PDZRN4: variants seen among roughly 807,000 people sequenced by gnomAD.
The protein encoded by PDZRN4 is PDZ domain containing ring finger 4, also known as PDZ domain-containing RING finger protein 4.
A neutral mutation model predicts 99.0 loss-of-function variants in PDZRN4; 70 were observed. That is an observed-to-expected ratio of 0.71 (90% CI 0.58 to 0.86). The LOEUF (loss-of-function observed/expected upper bound fraction) is 0.86, where lower values mean the gene tolerates loss of function less well. Among genes scored for constraint, PDZRN4 ranks in the 40% least tolerant of loss-of-function variants. The pLI is 0.00. For missense variants in PDZRN4, 1,474 were observed against 1,331.2 expected (o/e 1.11, Z -1.67); for synonymous variants, 551 against 501.6 (o/e 1.10, Z -1.32).
intron 3 of PDZRN4, among the ~76,000 whole-genome samples, chr12:41,268,143 A>C (rs1433005943): frequency 6.6e-6 from 1 of 152,142 alleles, no homozygotes; most frequent in Non-Finnish European, 1.5e-5. Context: ...CTTGGCTCCT[A>C]TGTTGTACAA....
At chr12:41,532,320 A>G (rs1186164764) in intron 5 of PDZRN4, among the ~76,000 whole-genome samples, 1 of 152,168 alleles carries the variant, frequency 6.6e-6, no homozygotes, top group Non-Finnish European at 1.5e-5. Flanking sequence ...TTAAATTGTT[A>G]TATCTTTATA....
intron 7 of PDZRN4, among the ~76,000 whole-genome samples, chr12:41,556,966 A>G (rs1346579709): frequency 2.0e-5 from 3 of 152,192 alleles, no homozygotes; most frequent in East Asian, 3.9e-4. Context: ...CCTGGCCAAC[A>G]TGGTGAAACC....
At chr12:41,321,672 G>C (rs1290163535) in intron 3 of PDZRN4, among the ~76,000 whole-genome samples, 1 of 152,048 alleles carries the variant, frequency 6.6e-6, no homozygotes, top group Non-Finnish European at 1.5e-5. Context: ...TTTTTGGATG[G>C]AGTCTGATCA....
intron 3 of PDZRN4, among the ~76,000 whole-genome samples, chr12:41,351,105 A>G (rs1408184367): frequency 1.3e-5 from 2 of 152,162 alleles, no homozygotes; most frequent in African/African-American, 4.8e-5. Flanking sequence ...TTTAACCAAA[A>G]GTCAATGAAA....
intron 3 of PDZRN4, among the ~76,000 whole-genome samples, chr12:41,258,906 T>C (rs1175102697): frequency 6.6e-6 from 1 of 152,064 alleles, no homozygotes; most frequent in Non-Finnish European, 1.5e-5. Flanking sequence ...AGATGGTAAA[T>C]ACAGACTTTA....
At position 41,275,627 on chromosome 12, in the gene PDZRN4, C is replaced by T. The variant is rs372380145; in HGVS notation, c.843+81439C>T. Among the ~76,000 whole-genome samples the T allele has an allele frequency of 2.9e-3, 434 of 151,890 alleles. 3 individuals are homozygous for T. The highest frequency in any genetic ancestry group is 0.019 in the South Asian group (90 of 4,800). On this transcript the variant is annotated intron_variant, in intron 3 of 9. Transcript: ENST00000402685. ...GGTTGGTGTAATTTTTATTTATCTC[C>T]CTTAAAATTTTATAAGAGTATACTG...
At chr12:41,501,517 A>T (rs1392663050) in intron 3 of PDZRN4, among the ~76,000 whole-genome samples, 1 of 152,122 alleles carries the variant, frequency 6.6e-6, no homozygotes, top group Admixed American at 6.6e-5. Context: ...ATCAAATATT[A>T]CCATGATATG....
intron 9 of PDZRN4, among the ~76,000 whole-genome samples, chr12:41,569,740 T>C (rs781330996): frequency 5.9e-5 from 9 of 152,154 alleles, no homozygotes; most frequent in Non-Finnish European, 1.3e-4. Flanking sequence ...AATAAATAAT[T>C]AGATTGCACA....
intron 3 of PDZRN4, among the ~76,000 whole-genome samples, chr12:41,376,874 G>C (rs1171222036): frequency 6.6e-6 from 1 of 152,054 alleles, no homozygotes; most frequent in Non-Finnish European, 1.5e-5. Context: ...TTATATTTAA[G>C]TTTTAATTCT....
At chr12:41,392,196 A>G (rs1952215086) in intron 3 of PDZRN4, among the ~76,000 whole-genome samples, 2 of 152,146 alleles carry the variant, frequency 1.3e-5, no homozygotes, top group East Asian at 1.9e-4. Flanking sequence ...CTGCTATTCA[A>G]GATTCCCCAA....
intron 3 of PDZRN4, among the ~76,000 whole-genome samples, chr12:41,374,708 A>G (rs571141201): frequency 9.9e-4 from 151 of 152,296 alleles, no homozygotes; most frequent in African/African-American, 3.0e-3. Context: ...GTTGGCTACC[A>G]TCTCTAGAGC....
intron 3 of PDZRN4, among the ~76,000 whole-genome samples, chr12:41,411,026 G>A (rs1014146539): frequency 1.3e-5 from 2 of 150,534 alleles, no homozygotes; most frequent in Non-Finnish European, 2.9e-5. Context: ...CCACAGGCAC[G>A]TGCCACCACA....
At chr12:41,322,460 G>A (rs1192540266) in intron 3 of PDZRN4, among the ~76,000 whole-genome samples, 15 of 143,354 alleles carry the variant, frequency 1.0e-4, no homozygotes, top group African/African-American at 3.8e-4. Context: ...TGTATAAAAC[G>A]AACTTTGGAA....
chr12:41,386,727 C>T (rs1305775875), intron 3 of PDZRN4, among the ~76,000 whole-genome samples: 1 of 152,110 alleles, frequency 6.6e-6, no homozygotes, highest in Non-Finnish European at 1.5e-5. Flanking sequence ...TGAAACTATA[C>T]CACAGGGATA....
intron 3 of PDZRN4, among the ~76,000 whole-genome samples, chr12:41,318,074 G>T (rs920993829): frequency 6.6e-6 from 1 of 152,022 alleles, no homozygotes. Flanking sequence ...TCATGAAATT[G>T]CTTATTTATA....
Position 41,509,835 on chromosome 12 carries a change from G to T in PDZRN4, c.1125G>T (p.Glu375Asp), listed in dbSNP as rs1267233620. ...SDSCHSLHPM[E>D]HEFYEDNEYI... ...GCTGCCATTCTCTACATCCAATGGA[G>T]CATGAATTTTATGAGGACAATGAGT... The change falls in exon 5 of 10, where the codon GAG (glutamate) becomes GAT (aspartate). Residue 375 changes from glutamate to aspartate, a missense_variant. Glu to Asp is a conservative substitution (Grantham distance 45). Coordinates refer to ENST00000402685, the MANE Select transcript of PDZRN4 (RefSeq NM_001164595.2). The T allele has an allele frequency of 6.3e-7, 1 of 1,592,664 alleles. No individual in the cohort carries two copies. Among genetic ancestry groups the T allele is most frequent in the Non-Finnish European group, 8.6e-7 (1 of 1,163,076 alleles).
intron 3 of PDZRN4, among the ~76,000 whole-genome samples, chr12:41,332,853 G>T (rs1254415171): frequency 6.6e-6 from 1 of 151,504 alleles, no homozygotes; most frequent in Non-Finnish European, 1.5e-5. Flanking sequence ...GAACTGCAAT[G>T]ACAATAACAA....
chr12:41,452,648 A>C (rs1952785241), intron 3 of PDZRN4, among the ~76,000 whole-genome samples: 1 of 152,132 alleles, frequency 6.6e-6, no homozygotes, highest in Admixed American at 6.5e-5. Flanking sequence ...CAAACTCTTT[A>C]CTTAAAGTGT....
intron 5 of PDZRN4, among the ~76,000 whole-genome samples, chr12:41,538,433 CTATTATAAATTATGCACT>C (rs1320988426): frequency 1.3e-5 from 2 of 152,060 alleles, no homozygotes; most frequent in East Asian, 3.9e-4. Flanking sequence ...TGATACTTTG[CTATTATAAATTATGCACT>C]AGTGAACAGA....
Sources: allele counts gnomAD v4.1 joint callset (sites outside exome capture counted in the v4.1 genomes callset), GRCh38; gene constraint gnomAD v4.1.1; transcripts MANE v1.5; gene names NCBI Gene and HGNC (gene_info 2026-07-23, HGNC 2026-07-21).